GLRB: variants seen among roughly 807,000 people sequenced by gnomAD.
The protein encoded by GLRB is glycine receptor beta.
A neutral mutation model predicts 54.2 loss-of-function variants in GLRB; 33 were observed. The observed-to-expected ratio is 0.61, with a 90% CI of 0.46 to 0.81. The LOEUF (loss-of-function observed/expected upper bound fraction) is 0.81. GLRB is among the 40% of genes least tolerant of loss of function. The pLI is 0.00. For synonymous variants in GLRB, 209 were observed against 208.2 expected, an observed-to-expected ratio of 1.00 and a Z score of -0.03; for missense variants, 572 against 584.6, an observed-to-expected ratio of 0.98 and a Z score of 0.22.
intron 9 of GLRB, among the ~76,000 whole-genome samples, chr4:157,156,853 G>A (rs1294190830): frequency 6.6e-6 from 1 of 152,124 alleles, no homozygotes; most frequent in Non-Finnish European, 1.5e-5. Flanking sequence ...GAGTGATTTT[G>A]TATTGAAACT....
chr4:157,143,668 A>C, intron 7 of GLRB, 139 bp from the exon 8 acceptor site: 1 of 832,494 alleles, frequency 1.2e-6, no homozygotes, highest in Non-Finnish European at 1.9e-6. Context: ...ATATCTGCAA[A>C]GAAAAACTTT....
intron 9 of GLRB, among the ~76,000 whole-genome samples, chr4:157,166,389 A>G (rs1737708819): frequency 6.6e-6 from 1 of 151,996 alleles, no homozygotes; most frequent in African/African-American, 2.4e-5. Context: ...TTAAAATAGT[A>G]TTTATAGTGT....
rs1736404014 is a variant in GLRB, at chr4:157,136,496, C to A, written c.325C>A (p.Gln109Lys). 1 of 1,609,476 alleles carries A rather than the reference C, an allele frequency of 6.2e-7. No individual in the cohort carries two copies. The highest frequency in any genetic ancestry group is 8.5e-7 in the Non-Finnish European group (1 of 1,175,906). Residue 109 changes from glutamine (Q) to lysine (K), a missense_variant, in exon 5 of 10, where the codon CAA becomes AAA. Transcript: ENST00000264428. Reference protein sequence around the residue: ...MDYRVNIFLRQKWNDPRLKLP... With the variant: ...MDYRVNIFLRKKWNDPRLKLP... ...CTATAGAGTTAACATCTTCCTGAGACAAAAATGGAATGACCCCAGGCTGAA... is the reference window on the plus strand; with the variant it reads ...CTATAGAGTTAACATCTTCCTGAGAAAAAAATGGAATGACCCCAGGCTGAA...
chr4:157,151,313 T>A (rs1737014694), intron 8 of GLRB, among the ~76,000 whole-genome samples: 1 of 152,104 alleles, frequency 6.6e-6, no homozygotes, highest in Non-Finnish European at 1.5e-5. Flanking sequence ...TTCCCATGGC[T>A]ATAATCAACT....
At chr4:157,117,378 A>T (rs979878371) in intron 2 of GLRB, among the ~76,000 whole-genome samples, 2 of 151,656 alleles carry the variant, frequency 1.3e-5, no homozygotes, top group African/African-American at 4.8e-5. Context: ...CTCTTCTACC[A>T]ATGTTTTTCT....
At chr4:157,165,206 T>C (rs1737662230) in intron 9 of GLRB, among the ~76,000 whole-genome samples, 1 of 152,016 alleles carries the variant, frequency 6.6e-6, no homozygotes, top group African/African-American at 2.4e-5. Context: ...TTACATCAAA[T>C]GTGTAACTTG....
At chr4:157,145,764 C>G (rs1270050773) in intron 8 of GLRB, among the ~76,000 whole-genome samples, 1 of 151,828 alleles carries the variant, frequency 6.6e-6, no homozygotes, top group African/African-American at 2.4e-5. Flanking sequence ...TTAGAAAGGC[C>G]ACAGTGAGAG....
At chr4:157,111,788 C>T (rs186026668) in intron 2 of GLRB, among the ~76,000 whole-genome samples, 80 of 152,082 alleles carry the variant, frequency 5.3e-4, no homozygotes, top group Admixed American at 4.0e-3. Context: ...TCACCTACTA[C>T]TTACTATACT....
intron 9 of GLRB, among the ~76,000 whole-genome samples, chr4:157,164,227 GC>G (rs1737628317): frequency 6.6e-6 from 1 of 151,966 alleles, no homozygotes; most frequent in South Asian, 2.1e-4. Flanking sequence ...TTAAGGGCAT[GC>G]TTTGGCATGA....
At chr4:157,154,298 A>G (rs1338811585) in intron 9 of GLRB, among the ~76,000 whole-genome samples, 3 of 151,710 alleles carry the variant, frequency 2.0e-5, no homozygotes, top group African/African-American at 4.8e-5. Flanking sequence ...CCATTCTCTT[A>G]TGTTTGAATT....
intron 7 of GLRB, among the ~76,000 whole-genome samples, chr4:157,140,265 T>C (rs758804699): frequency 6.6e-6 from 1 of 151,984 alleles, no homozygotes; most frequent in African/African-American, 2.4e-5. Flanking sequence ...GATATGGAAG[T>C]GATCTAATTG....
Position 157,143,762 on chromosome 4 carries a change from G to A in GLRB, c.752-45G>A, listed in dbSNP as rs1247078942. The stretch of plus-strand genomic sequence containing the variant: ...GTCTGTCATTGATGTTTGCCATTCT[G>A]TGTGGGTGAAAACCTCATGCCTTGA... On this transcript the variant is annotated intron_variant, in intron 7 of 9. Transcript: ENST00000264428. 1.3e-5 allele frequency: 21 copies of A among 1,582,156 alleles called. No individual in the cohort carries two copies. The Admixed American group carries it at 3.5e-4, about 26-fold the overall frequency.
At position 157,162,489 on chromosome 4, in the gene GLRB, T is replaced by C. The variant is rs536570728; in HGVS notation, c.1198-7943T>C. ...TGTGGTTTTATCTACCTTTGTTCTT[T>C]GATGATGGTGACATACAGGTGCGGT... is the stretch of plus-strand genomic sequence containing the variant. On this transcript the variant is annotated intron_variant, in intron 9 of 9. Coordinates refer to ENST00000264428, the MANE Select transcript of GLRB (RefSeq NM_000824.5). Among the ~76,000 whole-genome samples, 14 of 152,338 alleles carry C rather than the reference T, an allele frequency of 9.2e-5. 1 individual carries two copies. In the South Asian group the frequency reaches 2.9e-3, roughly 32 times the overall value.
chr4:157,140,831 A>G (rs563312086), intron 7 of GLRB, among the ~76,000 whole-genome samples: 5 of 152,060 alleles, frequency 3.3e-5, no homozygotes, highest in Admixed American at 6.6e-5. Flanking sequence ...AGGAGACTCT[A>G]TTGGATTTTT....
chr4:157,138,662 T>C, intron 6 of GLRB, 147 bp from the exon 7 acceptor site: 1 of 586,338 alleles, frequency 1.7e-6, no homozygotes, highest in Non-Finnish European at 3.0e-6. Context: ...GACCATGGGT[T>C]TTACCTCTTT....
chr4:157,096,535 G>A (rs567318666), intron 2 of GLRB, among the ~76,000 whole-genome samples: 2 of 152,244 alleles, frequency 1.3e-5, no homozygotes, highest in South Asian at 4.1e-4. Flanking sequence ...GGACAAGAAG[G>A]GCTTATCTTT....
chr4:157,076,738 G>T lies in GLRB; in HGVS notation c.-30+441G>T, dbSNP rs543111796. Reference sequence around the variant, plus strand: ...CGGCCCTCCTTTTTGCGGGGGCAAGGATGTGAAAGTGGGAGAAGTACCTGC... The same window carrying T: ...CGGCCCTCCTTTTTGCGGGGGCAAGTATGTGAAAGTGGGAGAAGTACCTGC... On this transcript the variant is annotated intron_variant, in intron 1 of 9. Transcript: ENST00000264428. Among the ~76,000 whole-genome samples, 22 of 152,076 alleles carry T rather than the reference G, an allele frequency of 1.4e-4. No homozygotes were observed. The South Asian group carries it at 4.4e-3, about 30-fold the overall frequency.
chr4:157,130,528 G>A (rs1257023254), intron 4 of GLRB, among the ~76,000 whole-genome samples: 3 of 151,210 alleles, frequency 2.0e-5, no homozygotes, highest in South Asian at 2.1e-4. Context: ...TATTTTTTTG[G>A]TAATGTTTTG....
chr4:157,100,963 C>T (rs901224713), intron 2 of GLRB, among the ~76,000 whole-genome samples: 1 of 152,036 alleles, frequency 6.6e-6, no homozygotes, highest in Non-Finnish European at 1.5e-5. Context: ...AGTATTTTTC[C>T]TGGGCTGAGA....
Sources: allele counts gnomAD v4.1 joint callset (sites outside exome capture counted in the v4.1 genomes callset), GRCh38; gene constraint gnomAD v4.1.1; transcripts MANE v1.5; gene names NCBI Gene and HGNC (gene_info 2026-07-23, HGNC 2026-07-21).